The following SHISA9 variants were observed in gnomAD, a reference collection of about 807,000 sequenced individuals.
SHISA9 encodes shisa family member 9, also known as protein shisa-9.
A neutral mutation model predicts 38.0 loss-of-function variants in SHISA9; 13 were observed. The ratio of observed to expected loss-of-function variants is 0.34; its 90% CI spans 0.22 to 0.54. The LOEUF is 0.54. Among genes scored for constraint, SHISA9 ranks in the 20% least tolerant of loss-of-function variants. SHISA9 has a pLI of 0.91. For synonymous variants in SHISA9, 275 were observed against 242.0 expected (o/e 1.14, Z -1.27); for missense variants, 538 against 575.8 (o/e 0.93, Z 0.67).
chr16:13,263,295 C>A, the SHISA9 span, among the ~76,000 whole-genome samples: 1 of 152,146 alleles, frequency 6.6e-6, no homozygotes, highest in Non-Finnish European at 1.5e-5. Flanking sequence ...TGTCCCCACC[C>A]AAATCTCATG....
At chr16:13,359,686 A>G in the SHISA9 span, among the ~76,000 whole-genome samples, 1 of 152,136 alleles carries the variant, frequency 6.6e-6, no homozygotes, top group Non-Finnish European at 1.5e-5. Context: ...TTATACATTT[A>G]AGGATTTTTG....
chr16:13,494,157 A>G, the SHISA9 span, among the ~76,000 whole-genome samples: 43,395 of 152,126 alleles, frequency 0.29, 6,790 homozygotes, highest in East Asian at 0.37. Context: ...TGATGAGACA[A>G]GAGCTAGACA....
At chr16:13,501,593 C>G in the SHISA9 span, among the ~76,000 whole-genome samples, 3 of 152,300 alleles carry the variant, frequency 2.0e-5, no homozygotes, top group Non-Finnish European at 2.9e-5. Flanking sequence ...TTTGTCTTTT[C>G]ATGGCCGGCC....
At chr16:13,041,794 G>A (rs983266939) in intron 2 of SHISA9, among the ~76,000 whole-genome samples, 2 of 152,176 alleles carry the variant, frequency 1.3e-5, no homozygotes, top group Admixed American at 1.3e-4. Context: ...GGACCTCACT[G>A]CCATGGATTC....
At chr16:13,225,738 T>C (rs1256381317) in intron 4 of SHISA9, among the ~76,000 whole-genome samples, 2 of 152,168 alleles carry the variant, frequency 1.3e-5, no homozygotes, top group African/African-American at 4.8e-5. Flanking sequence ...AACTGGTTAT[T>C]ACCTTGACGT....
chr16:13,053,961 C>A (rs542362900), intron 2 of SHISA9, among the ~76,000 whole-genome samples: 12 of 152,334 alleles, frequency 7.9e-5, no homozygotes, highest in African/African-American at 2.9e-4. Flanking sequence ...CTTGACGATT[C>A]CAGCTGGAGG....
At position 13,196,119 on chromosome 16, in the gene SHISA9, C is replaced by T. The variant is rs559497755; in HGVS notation, c.692-7275C>T. On this transcript the variant is annotated intron_variant, in intron 2 of 4. Coordinates refer to ENST00000558583, the MANE Select transcript of SHISA9 (RefSeq NM_001145204.3). ...AAAAAAAAAAAAAAAAAAAAAAGGC[C>T]AGGTGTGGTGGCTCACGCCTGTAAT... is the stretch of plus-strand genomic sequence containing the variant. 2.3e-4 allele frequency among the ~76,000 whole-genome samples: 29 copies of T among 123,684 alleles called. 3 individuals are homozygous for T. The highest frequency in any genetic ancestry group is 3.6e-4 in the Non-Finnish European group (22 of 61,266). 81.1% of individuals were successfully genotyped at this position (123,684 alleles called of 152,430 possible).
the SHISA9 span, among the ~76,000 whole-genome samples, chr16:13,314,869 A>T: frequency 6.6e-6 from 1 of 152,214 alleles, no homozygotes; most frequent in Non-Finnish European, 1.5e-5. Flanking sequence ...ATTTTCAATT[A>T]TGCAGGATGA....
intron 2 of SHISA9, among the ~76,000 whole-genome samples, chr16:13,111,265 G>C (rs1201918857): frequency 1.3e-5 from 2 of 150,770 alleles, no homozygotes; most frequent in Non-Finnish European, 2.9e-5. Context: ...GCAACTTACA[G>C]AATGGGAGAA....
the SHISA9 span, among the ~76,000 whole-genome samples, chr16:13,452,337 A>G: frequency 6.6e-6 from 1 of 152,230 alleles, no homozygotes; most frequent in Non-Finnish European, 1.5e-5. Context: ...AATGCAAGAA[A>G]GAGCCTCAAA....
At chr16:12,938,816 T>C (rs571815386) in intron 2 of SHISA9, among the ~76,000 whole-genome samples, 7 of 152,220 alleles carry the variant, frequency 4.6e-5, no homozygotes, top group Admixed American at 2.6e-4. Flanking sequence ...TTCCATGCCA[T>C]GTTGCCTTTG....
intron 2 of SHISA9, among the ~76,000 whole-genome samples, chr16:13,114,334 C>T (rs548934077): frequency 7.3e-5 from 11 of 151,702 alleles, no homozygotes; most frequent in East Asian, 3.9e-4. Context: ...GGTGTGGTGG[C>T]GGGCGCCTGT....
At chr16:13,043,049 C>G (rs1001817110) in intron 2 of SHISA9, among the ~76,000 whole-genome samples, 1 of 152,130 alleles carries the variant, frequency 6.6e-6, no homozygotes, top group Non-Finnish European at 1.5e-5. Context: ...ATTCGGGGTG[C>G]CTGGACAGCA....
At chr16:13,039,819 A>T (rs2073114046) in intron 2 of SHISA9, among the ~76,000 whole-genome samples, 1 of 152,176 alleles carries the variant, frequency 6.6e-6, no homozygotes, top group African/African-American at 2.4e-5. Flanking sequence ...GAAGTCACTC[A>T]GACCCGGCTT....
chr16:12,902,686 C>T (rs2071035476), intron 1 of SHISA9, 59 bp downstream of exon 1: 1 of 1,435,056 alleles, frequency 7.0e-7, no homozygotes. Context: ...TCTCTCCTCC[C>T]CACCTTCCCC....
chr16:13,176,577 A>G (rs1417088773), intron 2 of SHISA9, among the ~76,000 whole-genome samples: 1 of 152,230 alleles, frequency 6.6e-6, no homozygotes, highest in Non-Finnish European at 1.5e-5. Flanking sequence ...ACAGCCAGAC[A>G]GACCCAGGAA....
intron 2 of SHISA9, among the ~76,000 whole-genome samples, chr16:12,966,742 T>C (rs565651987): frequency 6.6e-6 from 1 of 152,318 alleles, no homozygotes; most frequent in Admixed American, 6.5e-5. Context: ...GAGTAAGTGC[T>C]AAGAAAATTT....
At chr16:13,035,166 T>C (rs2073039535) in intron 2 of SHISA9, among the ~76,000 whole-genome samples, 1 of 152,194 alleles carries the variant, frequency 6.6e-6, no homozygotes, top group African/African-American at 2.4e-5. Flanking sequence ...TGGAATATAA[T>C]AGAATTAATA....
At chr16:13,486,171 G>C in the SHISA9 span, among the ~76,000 whole-genome samples, 2 of 152,174 alleles carry the variant, frequency 1.3e-5, no homozygotes, top group Non-Finnish European at 2.9e-5. Flanking sequence ...TGAGAATGGG[G>C]ATCTAGAACT....
Sources: gnomAD v4.1 joint callset for allele counts (sites outside exome capture counted in the v4.1 genomes callset) on GRCh38, gnomAD v4.1.1 for gene constraint, MANE v1.5 for transcripts, NCBI Gene and HGNC (gene_info 2026-07-23, HGNC 2026-07-21) for gene names.